The following SFI1 variants were observed in gnomAD, a reference collection of about 807,000 sequenced individuals.
SFI1 encodes the protein SFI1 centrin binding protein.
SFI1 carries 195 observed loss-of-function variants against 207.5 expected under a neutral mutation model. The ratio of observed to expected loss-of-function variants is 0.94; its 90% confidence interval spans 0.84 to 1.06. The LOEUF is 1.06. Among genes scored for constraint, SFI1 ranks in the 50% least tolerant of loss-of-function variants. SFI1 has a pLI of 0.00. For synonymous variants in SFI1, 630 were observed against 598.9 expected (o/e 1.05, Z -0.76); for missense variants, 1,634 against 1,588.0 (o/e 1.03, Z -0.49).
intron 8 of SFI1, among the ~76,000 whole-genome samples, chr22:31,567,700 G>T (rs2062466595): frequency 6.6e-6 from 1 of 152,056 alleles, no homozygotes; most frequent in African/African-American, 2.4e-5. Context: ...GTACTTCTGT[G>T]AATTTACTTT....
chr22:31,537,408 A>G lies in SFI1; in HGVS notation c.338+6279A>G, dbSNP rs2059098448. 2.0e-5 allele frequency among the ~76,000 whole-genome samples: 3 copies of G among 152,290 alleles called. No individual in the cohort carries two copies. The South Asian group carries it at 6.2e-4, about 32-fold the overall frequency. ...GCCTCTGTAGTGGATACTTACGAGA[A>G]AAAGGGCTTGGCAGTGGGTGTTGGG... On this transcript the variant is annotated intron_variant, in intron 4 of 32. Transcript: ENST00000400288.
At chr22:31,518,984 C>T (rs976789216) in intron 2 of SFI1, among the ~76,000 whole-genome samples, 4 of 152,106 alleles carry the variant, frequency 2.6e-5, no homozygotes, top group African/African-American at 7.2e-5. Context: ...TGGAAGCTTG[C>T]GCTTGATTTC....
chr22:31,508,698 T>C (rs577372130), intron 2 of SFI1, among the ~76,000 whole-genome samples: 1 of 152,296 alleles, frequency 6.6e-6, no homozygotes, highest in Admixed American at 6.5e-5. Context: ...CTTTTGATCA[T>C]GGTTGCTTTC....
chr22:31,611,121 C>T, intron 22 of SFI1, 22 bp from the exon 23 acceptor site: 1 of 1,613,846 alleles, frequency 6.2e-7, no homozygotes, highest in South Asian at 1.1e-5. Context: ...AAACAGCAAA[C>T]TCTGACTTGG....
chr22:31,541,074 G>A (rs912429080), intron 4 of SFI1, among the ~76,000 whole-genome samples: 3 of 152,028 alleles, frequency 2.0e-5, no homozygotes, highest in Admixed American at 6.6e-5. Context: ...TGGGATCCAG[G>A]GGCCTAACCA....
chr22:31,571,549 A>G (rs1602998570), intron 8 of SFI1, among the ~76,000 whole-genome samples: 1 of 151,758 alleles, frequency 6.6e-6, no homozygotes, highest in South Asian at 2.1e-4. Context: ...TCCTGAGGTC[A>G]AGCAATCCTC....
chr22:31,578,267 C>A, intron 10 of SFI1, 115 bp from the exon 11 acceptor site: 1 of 954,982 alleles, frequency 1.0e-6, no homozygotes, highest in Non-Finnish European at 1.5e-6. Flanking sequence ...GGACCTCAGC[C>A]CACCTGGCAC....
At chr22:31,551,105 C>T (rs2060584247) in intron 6 of SFI1, among the ~76,000 whole-genome samples, 1 of 152,172 alleles carries the variant, frequency 6.6e-6, no homozygotes, top group African/African-American at 2.4e-5. Flanking sequence ...GAGTAATCCT[C>T]ATCTTTTTCC....
At chr22:31,505,169 TG>T (rs2054425830) in intron 1 of SFI1, among the ~76,000 whole-genome samples, 1 of 152,214 alleles carries the variant, frequency 6.6e-6, no homozygotes, top group Non-Finnish European at 1.5e-5. Context: ...TCAGGCACAG[TG>T]GCTCACGCCT....
Position 31,528,831 on chromosome 22 carries a change from C to T in SFI1, c.234C>T (p.Thr78=), listed in dbSNP as rs1206948535. 3.7e-6 allele frequency: 6 copies of T among 1,613,740 alleles called. No homozygotes were observed. In the South Asian group the frequency reaches 6.6e-5, roughly 18 times the overall value. The part of the protein sequence containing the change: ...LVQYRGTHTC[T]RQGRLRELRI... ...AGTATCGTGGCACACATACTTGTACCCGACAGGGCCGGTTAAGAGAACTGC... is the reference window on the plus strand; with the variant it reads ...AGTATCGTGGCACACATACTTGTACTCGACAGGGCCGGTTAAGAGAACTGC... Residue 78 remains threonine (T), a synonymous_variant, in exon 3 of 33, where the codon ACC becomes ACT. Coordinates refer to ENST00000400288, the MANE Select transcript of SFI1 (RefSeq NM_001007467.3).
intron 10 of SFI1, 92 bp downstream of exon 10, chr22:31,575,484 A>G (rs2063385466): frequency 7.5e-7 from 1 of 1,324,776 alleles, no homozygotes; most frequent in Non-Finnish European, 1.0e-6. Flanking sequence ...GATACATGGG[A>G]AACAATTGCC....
Position 31,617,074 on chromosome 22 carries a change from C to T in SFI1, c.3508C>T (p.Leu1170Phe). Reference sequence around the variant, plus strand: ...GCACTACCAGACCACCAAGCAGAACCTCTGGTGAGCCCTGCGAAACGCCCT... The same window carrying T: ...GCACTACCAGACCACCAAGCAGAACTTCTGGTGAGCCCTGCGAAACGCCCT... ...LLHYQTTKQNLWSCRRQASSL... is the reference protein window; with the variant it reads ...LLHYQTTKQNFWSCRRQASSL... Residue 1170 changes from leucine to phenylalanine, a missense_variant, in exon 31 of 33, where the codon CTC becomes TTC. Transcript: ENST00000400288. 6.2e-7 allele frequency: 1 copy of T among 1,613,990 alleles called. No individual in the cohort carries two copies. The highest frequency in any genetic ancestry group is 8.5e-7 in the Non-Finnish European group (1 of 1,179,998).
intron 8 of SFI1, among the ~76,000 whole-genome samples, chr22:31,562,055 G>A (rs538723428): frequency 1.3e-5 from 2 of 152,094 alleles, no homozygotes; most frequent in East Asian, 1.9e-4. Context: ...ATGTGAATAC[G>A]TGCAGATCAC....
chr22:31,594,502 C>A (rs554498305), intron 15 of SFI1, among the ~76,000 whole-genome samples: 1 of 137,998 alleles, frequency 7.2e-6, no homozygotes, highest in Admixed American at 8.1e-5. Flanking sequence ...GAGCTGAGAT[C>A]GCATCATTGC....
At chr22:31,516,522 GAA>G (rs200818192) in intron 2 of SFI1, among the ~76,000 whole-genome samples, 1 of 141,522 alleles carries the variant, frequency 7.1e-6, no homozygotes, top group Non-Finnish European at 1.6e-5. Flanking sequence ...AAGAAAGAAA[GAA>G]AAAAAAAAGA....
intron 10 of SFI1, among the ~76,000 whole-genome samples, chr22:31,576,623 A>G (rs1182390758): frequency 1.3e-5 from 2 of 151,314 alleles, no homozygotes; most frequent in Non-Finnish European, 2.9e-5. Context: ...GTCCAGCTCT[A>G]TGTATAAACT....
intron 2 of SFI1, among the ~76,000 whole-genome samples, chr22:31,517,280 G>A (rs546069856): frequency 1.3e-5 from 2 of 152,016 alleles, no homozygotes; most frequent in African/African-American, 4.8e-5. Flanking sequence ...ACAGGGTCTC[G>A]CACTGTCACA....
chr22:31,548,903 G>A (rs1602518330), intron 5 of SFI1, among the ~76,000 whole-genome samples: 1 of 152,044 alleles, frequency 6.6e-6, no homozygotes, highest in Non-Finnish European at 1.5e-5. Context: ...TATAGTGTAT[G>A]TATCAAGAAG....
At chr22:31,556,897 C>A (rs1806899656) in intron 6 of SFI1, 45 bp from the exon 7 acceptor site, 2 of 1,319,942 alleles carry the variant, frequency 1.5e-6, no homozygotes, top group Admixed American at 2.0e-5. Flanking sequence ...CCAGAGTAAT[C>A]CATCTCTCCC....
Sources: allele counts gnomAD v4.1 joint callset (sites outside exome capture counted in the v4.1 genomes callset), GRCh38; gene constraint gnomAD v4.1.1; transcripts MANE v1.5; gene names NCBI Gene and HGNC (gene_info 2026-07-23, HGNC 2026-07-21).